ABCB1: variants seen among roughly 807,000 people sequenced by gnomAD.
The protein encoded by ABCB1 is ATP-dependent translocase ABCB1.
In ABCB1, 69 loss-of-function variants were observed where a neutral mutation model predicts 142.0. That is an observed-to-expected ratio of 0.49 (90% CI 0.40 to 0.59). ABCB1 has a LOEUF of 0.59. Ranked by LOEUF, ABCB1 falls within the 20% of genes least tolerant of loss-of-function variation. The probability of loss-of-function intolerance (pLI) is 0.00; values close to 1 mark genes in which losing one functional copy is unlikely to be tolerated. For missense variants in ABCB1, 1,326 were observed against 1,554.7 expected (o/e 0.85, Z 2.47); for synonymous variants, 532 against 539.2 (o/e 0.99, Z 0.18).
Position 87,520,807 on chromosome 7 carries a change from T to C in ABCB1, c.2755A>G (p.Met919Val). ...SLTQEQKFEHMYAQSLQVPYR... is the reference protein window; with the variant it reads ...SLTQEQKFEHVYAQSLQVPYR... The stretch of plus-strand genomic sequence containing the variant: ...GGTACCTGCAAACTCTGAGCATACA[T>C]ATGTTCAAACTTCTGCTCCTGAGTC... Residue 919 changes from methionine (M) to valine (V), a missense_variant, in exon 22 of 28, where the codon ATG becomes GTG. Physicochemically the swap from Met to Val is conservative, Grantham distance 21. Coordinates refer to ENST00000622132, the MANE Select transcript of ABCB1 (RefSeq NM_001348946.2). 6.2e-7 allele frequency: 1 copy of C among 1,613,996 alleles called. No individual in the cohort carries two copies. The highest frequency in any genetic ancestry group is 8.5e-7 in the Non-Finnish European group (1 of 1,179,888).
At chr7:87,571,978 A>G (rs997580814) in intron 4 of ABCB1, among the ~76,000 whole-genome samples, 3 of 152,228 alleles carry the variant, frequency 2.0e-5, no homozygotes, top group Admixed American at 6.5e-5. Flanking sequence ...GAAGCTTAGA[A>G]AAACATGCAA....
intron 3 of ABCB1, among the ~76,000 whole-genome samples, chr7:87,589,242 G>A (rs1818886282): frequency 6.6e-6 from 1 of 151,988 alleles, no homozygotes; most frequent in Non-Finnish European, 1.5e-5. Flanking sequence ...TACAAAATGA[G>A]GAAAATATTC....
At chr7:87,704,732 G>A (rs1404182669) in intron 1 of ABCB1, among the ~76,000 whole-genome samples, 1 of 152,210 alleles carries the variant, frequency 6.6e-6, no homozygotes, top group Non-Finnish European at 1.5e-5. Flanking sequence ...TCCATTTAGT[G>A]GGGAAAGAGA....
chr7:87,561,850 G>A (rs1203334521), intron 7 of ABCB1, among the ~76,000 whole-genome samples: 6 of 152,134 alleles, frequency 3.9e-5, no homozygotes, highest in African/African-American at 1.2e-4. Flanking sequence ...GCTAGGTGTG[G>A]TGGCACATGC....
rs2130160242 is a variant in ABCB1, at chr7:87,628,586, TG to T, written c.-330-27509del. The stretch of plus-strand genomic sequence containing the variant: ...AGGGCGGAGGTGGTGCGTGCGTGCG[TG>T]TGTGTGTGTGTGTGTGTGTGTGTGT... On this transcript the variant is annotated intron_variant, in intron 1 of 28. Transcript: ENST00000265724. 4 of 15,916 alleles carry T rather than the reference TG, an allele frequency of 2.5e-4. No individual in the cohort carries two copies. In the Admixed American group the frequency reaches 2.9e-3, roughly 11 times the overall value. 1.0% of individuals were successfully genotyped at this position (15,916 alleles called of 1,614,324 possible).
At chr7:87,630,729 C>A (rs1821132628) in intron 1 of ABCB1, among the ~76,000 whole-genome samples, 3 of 150,462 alleles carry the variant, frequency 2.0e-5, no homozygotes, top group South Asian at 4.2e-4. Flanking sequence ...TAGCATCTAA[C>A]ACTCAAAAAA....
Position 87,628,899 on chromosome 7 carries a change from G to T in ABCB1, c.-330-27821C>A, listed in dbSNP as rs767918635. 6 of 1,305,490 alleles carry T rather than the reference G, an allele frequency of 4.6e-6. No individual in the cohort carries two copies. Among genetic ancestry groups the T allele is most frequent in the Non-Finnish European group, 3.9e-6 (4 of 1,019,260 alleles). 80.9% of individuals were successfully genotyped at this position (1,305,490 alleles called of 1,614,324 possible). ...CGGAGGCGGCAAGAAAAGCCTGAGCGCCCGCAATGCTGCGGTGGAGAGGAG... is the reference window on the plus strand; with the variant it reads ...CGGAGGCGGCAAGAAAAGCCTGAGCTCCCGCAATGCTGCGGTGGAGAGGAG... On this transcript the variant is annotated intron_variant, in intron 1 of 28. Transcript: ENST00000265724.
At chr7:87,703,155 T>A (rs2188529) in intron 1 of ABCB1, among the ~76,000 whole-genome samples, 7,455 of 152,280 alleles carry the variant, frequency 0.049, 277 homozygotes, top group East Asian at 0.091. Flanking sequence ...ATTATAGAAT[T>A]ATAAATTATG....
chr7:87,693,826 G>T, intron 1 of ABCB1: 1 of 1,297,902 alleles, frequency 7.7e-7, no homozygotes, highest in South Asian at 1.3e-5. Context: ...CATCTTAGTT[G>T]GGCTATTCAG....
chr7:87,707,951 A>T (rs1829753317), intron 1 of ABCB1, among the ~76,000 whole-genome samples: 1 of 152,070 alleles, frequency 6.6e-6, no homozygotes, highest in Admixed American at 6.5e-5. Flanking sequence ...ATAAATCACA[A>T]TTGAAATTGA....
At position 87,531,303 on chromosome 7, in the gene ABCB1, A is replaced by T. The variant is rs765229382; in HGVS notation, c.2676T>A (p.Gly892=). 1.9e-6 allele frequency: 3 copies of T among 1,612,934 alleles called. No homozygotes were observed. The highest frequency in any genetic ancestry group is 1.7e-5 in the Admixed American group (1 of 59,944). The part of the protein sequence containing the change: ...QALKDKKELE[G]SGKIATEAIE... Reference sequence around the variant, plus strand: ...ATTTAGTTTGACTCACCTTCCCAGAACCTTCTAGTTCTTTCTTATCTTTCA... The same window carrying T: ...ATTTAGTTTGACTCACCTTCCCAGATCCTTCTAGTTCTTTCTTATCTTTCA... Residue 892 remains glycine, a synonymous_variant, in exon 21 of 28, where the codon GGT becomes GGA. Transcript: ENST00000622132.
At chr7:87,589,109 A>C (rs1016941263) in intron 3 of ABCB1, among the ~76,000 whole-genome samples, 1 of 152,184 alleles carries the variant, frequency 6.6e-6, no homozygotes, top group Non-Finnish European at 1.5e-5. Flanking sequence ...GATTTGAAGA[A>C]AGTGGTAACA....
chr7:87,569,277 G>A (rs1472709492), intron 5 of ABCB1, among the ~76,000 whole-genome samples: 1 of 146,868 alleles, frequency 6.8e-6, no homozygotes, highest in Non-Finnish European at 1.5e-5. Context: ...AGGTCGCAGT[G>A]AGCCGAGATC....
chr7:87,553,161 T>A (rs889704398), intron 9 of ABCB1, among the ~76,000 whole-genome samples: 7 of 152,190 alleles, frequency 4.6e-5, no homozygotes, highest in African/African-American at 1.4e-4. Flanking sequence ...GCAACAAGTT[T>A]GGCACAAATA....
chr7:87,549,792 A>G (rs1816966031), intron 13 of ABCB1, 59 bp downstream of exon 13: 1 of 1,563,238 alleles, frequency 6.4e-7, no homozygotes, highest in Admixed American at 1.7e-5. Flanking sequence ...CTTCCTGCAT[A>G]GTAGGCCTGC....
intron 25 of ABCB1, among the ~76,000 whole-genome samples, chr7:87,511,387 A>C (rs1002544720): frequency 6.6e-6 from 1 of 152,246 alleles, no homozygotes; most frequent in Non-Finnish European, 1.5e-5. Context: ...GGCCAGATTA[A>C]AATGATTGGC....
chr7:87,593,477 G>A (rs1322710112), intron 3 of ABCB1, among the ~76,000 whole-genome samples: 4 of 152,200 alleles, frequency 2.6e-5, no homozygotes, highest in African/African-American at 9.7e-5. Flanking sequence ...GTGCAGACAA[G>A]AGCTAACACA....
intron 17 of ABCB1, among the ~76,000 whole-genome samples, chr7:87,542,870 G>T (rs772536882): frequency 3.3e-5 from 5 of 152,118 alleles, no homozygotes; most frequent in Non-Finnish European, 7.3e-5. Context: ...AAATCATGTG[G>T]CATGCAAAGC....
intron 1 of ABCB1, chr7:87,628,620 TG>T (rs1820856494): frequency 2.4e-5 from 8 of 327,020 alleles, no homozygotes; most frequent in Non-Finnish European, 3.8e-5. Flanking sequence ...TGTGTGTGTG[TG>T]TGTGGAGCTC....
Sources: allele counts gnomAD v4.1 joint callset (sites outside exome capture counted in the v4.1 genomes callset), GRCh38; gene constraint gnomAD v4.1.1; transcripts MANE v1.5; gene names NCBI Gene and HGNC (gene_info 2026-07-23, HGNC 2026-07-21).